Variants in ASH1L observed in about 807,000 individuals in gnomAD.
ASH1L encodes the protein histone-lysine N-methyltransferase ASH1L.
ASH1L carries 23 observed loss-of-function variants against 269.0 expected under a neutral mutation model. The ratio of observed to expected loss-of-function variants is 0.09; its 90% CI spans 0.06 to 0.12. ASH1L has a LOEUF of 0.12. Ranked by LOEUF, ASH1L falls within the 10% of genes least tolerant of loss-of-function variation. The pLI is 1.00. For missense variants in ASH1L, 2,912 were observed against 3,567.8 expected (o/e 0.82, Z 4.68); for synonymous variants, 1,187 against 1,253.5 (o/e 0.95, Z 1.12).
intron 1 of ASH1L, among the ~76,000 whole-genome samples, chr1:155,526,872 G>A (rs558362130): frequency 6.6e-6 from 1 of 152,148 alleles, no homozygotes; most frequent in Non-Finnish European, 1.5e-5. Context: ...ATGCCAATAA[G>A]CCTGAAAACA....
At chr1:155,342,808 C>T (rs184585818) in intron 24 of ASH1L, among the ~76,000 whole-genome samples, 1 of 151,994 alleles carries the variant, frequency 6.6e-6, no homozygotes, top group African/African-American at 2.4e-5. Flanking sequence ...AATTAGTACA[C>T]AGTATTAACA....
At chr1:155,550,762 C>T (rs1671139367) in intron 1 of ASH1L, among the ~76,000 whole-genome samples, 1 of 152,138 alleles carries the variant, frequency 6.6e-6, no homozygotes, top group Non-Finnish European at 1.5e-5. Context: ...CAAAAGGAAG[C>T]ACTATGAAAG....
intron 5 of ASH1L, among the ~76,000 whole-genome samples, chr1:155,435,849 G>C (rs980046140): frequency 2.0e-5 from 3 of 152,096 alleles, no homozygotes; most frequent in Admixed American, 6.6e-5. Context: ...TCAGGAGTTC[G>C]AGGCTAGCAT....
intron 4 of ASH1L, among the ~76,000 whole-genome samples, chr1:155,446,823 T>A (rs1010710519): frequency 6.7e-6 from 1 of 150,128 alleles, no homozygotes; most frequent in African/African-American, 2.4e-5. Flanking sequence ...CGGGGTTTCA[T>A]CGTGATCCTG....
At chr1:155,554,284 G>A (rs977001695) in intron 1 of ASH1L, among the ~76,000 whole-genome samples, 1 of 150,768 alleles carries the variant, frequency 6.6e-6, no homozygotes, top group Non-Finnish European at 1.5e-5. Flanking sequence ...TTTACTTTTT[G>A]TTTTGGAGAC....
At chr1:155,551,277 G>A (rs973162313) in intron 1 of ASH1L, among the ~76,000 whole-genome samples, 3 of 145,398 alleles carry the variant, frequency 2.1e-5, no homozygotes, top group East Asian at 1.9e-4. Context: ...TCTTTTCCTC[G>A]GGGGGGAAAA....
intron 1 of ASH1L, among the ~76,000 whole-genome samples, chr1:155,525,721 T>C (rs1351293334): frequency 6.6e-6 from 1 of 152,134 alleles, no homozygotes; most frequent in Non-Finnish European, 1.5e-5. Flanking sequence ...ATATTTATGA[T>C]CCATATAAGA....
At chr1:155,376,792 T>C (rs945293337) in intron 10 of ASH1L, among the ~76,000 whole-genome samples, 3 of 147,054 alleles carry the variant, frequency 2.0e-5, no homozygotes, top group Non-Finnish European at 4.5e-5. Context: ...GAGGCAGAGG[T>C]TGCAGTGAGC....
At chr1:155,461,334 T>C (rs1173698562) in intron 3 of ASH1L, among the ~76,000 whole-genome samples, 1 of 152,202 alleles carries the variant, frequency 6.6e-6, no homozygotes, top group East Asian at 1.9e-4. Context: ...TGGGAAGCAC[T>C]GCTCAGGTGA....
chr1:155,557,401 T>C (rs1436649080), intron 1 of ASH1L, among the ~76,000 whole-genome samples: 15 of 152,058 alleles, frequency 9.9e-5, no homozygotes, highest in Non-Finnish European at 1.9e-4. Context: ...AAGCTGGGAC[T>C]ACAGGTGCCC....
At position 155,482,034 on chromosome 1, in the gene ASH1L, G is replaced by T; in HGVS notation, c.836C>A (p.Ala279Glu). 1 of 1,614,074 alleles carries T rather than the reference G, an allele frequency of 6.2e-7. No individual in the cohort carries two copies. Among genetic ancestry groups the T allele is most frequent in the Non-Finnish European group, 8.5e-7 (1 of 1,179,996 alleles). Residue 279 changes from alanine to glutamate, a missense_variant, in exon 3 of 28, where the codon GCA becomes GAA. Coordinates refer to ENST00000392403, the MANE Select transcript of ASH1L (RefSeq NM_018489.3). ...DLIKKPTIST[A>E]VGLVTKDPGK... Reference sequence around the variant, plus strand: ...AGGATCTTTAGTTACCAATCCAACTGCTGTGCTGATGGTTGGCTTTTTTAT... The same window carrying T: ...AGGATCTTTAGTTACCAATCCAACTTCTGTGCTGATGGTTGGCTTTTTTAT...
chr1:155,557,713 A>G (rs1368938260), intron 1 of ASH1L, among the ~76,000 whole-genome samples: 1 of 152,248 alleles, frequency 6.6e-6, no homozygotes. Flanking sequence ...ATGACAAGCA[A>G]TAAGAAAATC....
rs561928276 is a variant in ASH1L, at chr1:155,459,964, T to G, written c.4985-66A>C. 9.8e-5 allele frequency: 126 copies of G among 1,282,868 alleles called. No individual in the cohort carries two copies. The East Asian group carries it at 3.0e-3, about 30-fold the overall frequency. The allele number at this position is 1,282,868 out of a possible 1,614,324, so 79.5% of individuals were successfully genotyped here. A position where few individuals can be genotyped will look rare whatever the true frequency, so the allele number is the denominator to read the frequency against. ...ACTTTAAAAATAATGTGAAACCATC[T>G]TTTGTTAGAACTTGTTACAGTTTAG... On this transcript the variant is annotated intron_variant, in intron 3 of 27. Transcript: ENST00000392403.
intron 3 of ASH1L, among the ~76,000 whole-genome samples, chr1:155,475,434 A>G (rs1229446371): frequency 6.6e-6 from 1 of 151,888 alleles, no homozygotes; most frequent in Non-Finnish European, 1.5e-5. Context: ...CCGCGCCTGG[A>G]CTTCACTGTG....
chr1:155,471,053 T>C (rs1190254509), intron 3 of ASH1L, among the ~76,000 whole-genome samples: 2 of 152,266 alleles, frequency 1.3e-5, no homozygotes, highest in Non-Finnish European at 2.9e-5. Flanking sequence ...GACTGGTTTT[T>C]GTTAAGACAA....
At chr1:155,513,489 T>C (rs1668301017) in intron 2 of ASH1L, among the ~76,000 whole-genome samples, 1 of 150,918 alleles carries the variant, frequency 6.6e-6, no homozygotes, top group South Asian at 2.1e-4. Context: ...CAGAATCATC[T>C]GAGCCCAGGA....
At chr1:155,411,578 AATAAATAAATATATATATATATATAT>A (rs1189586628) in intron 6 of ASH1L, among the ~76,000 whole-genome samples, 1 of 21,128 alleles carries the variant, frequency 4.7e-5, no homozygotes, top group Non-Finnish European at 1.0e-4. Context: ...AATATAAATA[AATAAATAAATATATATATATATATAT>A]ATATATATAT....
intron 12 of ASH1L, among the ~76,000 whole-genome samples, chr1:155,369,505 A>C (rs1246285307): frequency 6.6e-6 from 1 of 152,214 alleles, no homozygotes; most frequent in Non-Finnish European, 1.5e-5. Context: ...AATTTTTAAA[A>C]ACTTAACAAA....
intron 1 of ASH1L, among the ~76,000 whole-genome samples, chr1:155,530,661 A>C (rs1361653532): frequency 6.6e-6 from 1 of 151,864 alleles, no homozygotes; most frequent in Non-Finnish European, 1.5e-5. Context: ...GTTTGAACAC[A>C]GGAGGTGGAG....
Sources: allele counts gnomAD v4.1 joint callset (sites outside exome capture counted in the v4.1 genomes callset), GRCh38; gene constraint gnomAD v4.1.1; transcripts MANE v1.5; gene names NCBI Gene and HGNC (gene_info 2026-07-23, HGNC 2026-07-21).